PLA2G4C: variants seen among roughly 807,000 people sequenced by gnomAD.
The protein encoded by PLA2G4C is cytosolic phospholipase A2 gamma.
Under a neutral mutation model 73.8 loss-of-function variants are expected in PLA2G4C, and 64 were observed. The ratio of observed to expected loss-of-function variants is 0.87; its 90% confidence interval spans 0.71 to 1.07. PLA2G4C has a LOEUF of 1.07. Ranked by LOEUF, PLA2G4C falls within the 50% of genes least tolerant of loss-of-function variation. The probability of loss-of-function intolerance (pLI) is 0.00; values close to 1 mark genes in which losing one functional copy is unlikely to be tolerated. For synonymous variants in PLA2G4C, 254 were observed against 252.1 expected (o/e 1.01, Z -0.07); for missense variants, 622 against 665.4 (o/e 0.93, Z 0.72).
At chr19:48,084,004 A>G (rs2030815026) in intron 10 of PLA2G4C, among the ~76,000 whole-genome samples, 1 of 150,752 alleles carries the variant, frequency 6.6e-6, no homozygotes, top group African/African-American at 2.4e-5. Context: ...AGGTCATTCA[A>G]AGGGTTAAAT....
intron 13 of PLA2G4C, among the ~76,000 whole-genome samples, chr19:48,064,247 G>A (rs534456893): frequency 1.1e-4 from 16 of 152,168 alleles, no homozygotes; most frequent in Middle Eastern, 3.4e-3. Flanking sequence ...TGACCAACAT[G>A]GTGAAATCCT....
chr19:48,077,475 C>G (rs1380964040), intron 11 of PLA2G4C, among the ~76,000 whole-genome samples: 1 of 152,140 alleles, frequency 6.6e-6, no homozygotes, highest in African/African-American at 2.4e-5. Flanking sequence ...ACATCCCATG[C>G]TCATGGATGG....
At chr19:48,086,906 G>A (rs1340859127) in intron 9 of PLA2G4C, among the ~76,000 whole-genome samples, 1 of 152,202 alleles carries the variant, frequency 6.6e-6, no homozygotes, top group Non-Finnish European at 1.5e-5. Flanking sequence ...ATCTCACAGA[G>A]CCTGTGTCTC....
chr19:48,102,566 C>T (rs16981262), intron 4 of PLA2G4C, among the ~76,000 whole-genome samples: 21,040 of 152,104 alleles, frequency 0.14, 1,542 homozygotes, highest in African/African-American at 0.19. Context: ...TGTTACATAG[C>T]TCTACTTGAT....
At chr19:48,097,992 G>A (rs918185841) in intron 6 of PLA2G4C, 147 bp downstream of exon 6, 14 of 824,314 alleles carry the variant, frequency 1.7e-5, no homozygotes, top group Admixed American at 5.0e-5. Context: ...CTCTTCTCTC[G>A]TCTAAGCTGA....
At position 48,069,063 on chromosome 19, in the gene PLA2G4C, G is replaced by A. The variant is rs536408521; in HGVS notation, c.1007-1177C>T. 8.0e-5 allele frequency among the ~76,000 whole-genome samples: 12 copies of A among 149,596 alleles called. No individual in the cohort carries two copies. The East Asian group carries it at 1.8e-3, about 22-fold the overall frequency. On this transcript the variant is annotated intron_variant, in intron 12 of 16. Transcript: ENST00000599921. ...CCATCTCAAAAAAAAAAAAAAAAACGGTGAGGAAATAAAAGCCTATAGTTG... is the reference window on the plus strand; with the variant it reads ...CCATCTCAAAAAAAAAAAAAAAAACAGTGAGGAAATAAAAGCCTATAGTTG...
At position 48,110,502 on chromosome 19, in the gene PLA2G4C, G is replaced by T. The variant is rs2032442890; in HGVS notation, c.-48C>A. 8.7e-7 allele frequency: 1 copy of T among 1,152,686 alleles called. No individual in the cohort carries two copies. Among genetic ancestry groups the T allele is most frequent in the Admixed American group, 3.1e-5 (1 of 31,944 alleles). 71.4% of individuals were successfully genotyped at this position (1,152,686 alleles called of 1,614,324 possible). ...CACGGCTTGCCTGAGCCTGGGTCTGGGGCGTGTGCGCATGCGCGGTGGAGC... is the reference window on the plus strand; with the variant it reads ...CACGGCTTGCCTGAGCCTGGGTCTGTGGCGTGTGCGCATGCGCGGTGGAGC... On this transcript the variant is annotated 5_prime_UTR_variant, in exon 1 of 17. Coordinates refer to ENST00000599921, the MANE Select transcript of PLA2G4C (RefSeq NM_003706.3).
intron 14 of PLA2G4C, among the ~76,000 whole-genome samples, 183 bp from the exon 15 acceptor site, chr19:48,055,232 G>A (rs1319647041): frequency 6.6e-6 from 1 of 151,044 alleles, no homozygotes; most frequent in Non-Finnish European, 1.5e-5. Flanking sequence ...GCCATCACCC[G>A]CACTCCCCAG....
At chr19:48,089,169 T>A (rs1476075246) in intron 8 of PLA2G4C, among the ~76,000 whole-genome samples, 2 of 152,164 alleles carry the variant, frequency 1.3e-5, no homozygotes, top group Admixed American at 1.3e-4. Context: ...GGTTTATGCC[T>A]GTAATCCTAG....
intron 6 of PLA2G4C, 39 bp downstream of exon 6, chr19:48,098,100 T>C: frequency 6.2e-7 from 1 of 1,607,160 alleles, no homozygotes. Flanking sequence ...TGCTGTTCCA[T>C]CCCTTACTAC....
At chr19:48,093,895 C>G (rs2031439365) in intron 7 of PLA2G4C, among the ~76,000 whole-genome samples, 1 of 152,154 alleles carries the variant, frequency 6.6e-6, no homozygotes, top group African/African-American at 2.4e-5. Context: ...GGCAGCTCTT[C>G]TTTGGCTTGC....
At chr19:48,102,115 A>T (rs2122691267) in intron 4 of PLA2G4C, among the ~76,000 whole-genome samples, 1 of 152,226 alleles carries the variant, frequency 6.6e-6, no homozygotes, top group African/African-American at 2.4e-5. Context: ...ATGTGTCAAA[A>T]TGCTAATGTT....
intron 10 of PLA2G4C, among the ~76,000 whole-genome samples, chr19:48,080,456 C>A (rs940724347): frequency 5.3e-5 from 8 of 152,118 alleles, no homozygotes; most frequent in Non-Finnish European, 1.5e-5. Flanking sequence ...ATCTACCGTT[C>A]GATCCAGCAA....
chr19:48,065,231 A>G (rs1968363187), intron 13 of PLA2G4C, among the ~76,000 whole-genome samples: 1 of 129,524 alleles, frequency 7.7e-6, no homozygotes, highest in Admixed American at 8.8e-5. Context: ...GAAAGGTGAG[A>G]CGACTTGAAG....
intron 4 of PLA2G4C, among the ~76,000 whole-genome samples, chr19:48,103,220 A>G (rs1363293589): frequency 6.6e-6 from 1 of 152,058 alleles, no homozygotes; most frequent in Non-Finnish European, 1.5e-5. Flanking sequence ...TCCAGAAGAA[A>G]TCATGGGGTT....
intron 5 of PLA2G4C, among the ~76,000 whole-genome samples, chr19:48,098,747 A>T (rs1158617163): frequency 7.3e-6 from 1 of 137,204 alleles, no homozygotes; most frequent in East Asian, 2.0e-4. Context: ...AAAAAAAAAA[A>T]AAAAATTTGT....
At chr19:48,058,062 G>A (rs1427885419) in intron 14 of PLA2G4C, among the ~76,000 whole-genome samples, 1 of 151,816 alleles carries the variant, frequency 6.6e-6, no homozygotes, top group East Asian at 2.0e-4. Flanking sequence ...ACTTTGGGAG[G>A]CTGAGGTGGG....
intron 14 of PLA2G4C, among the ~76,000 whole-genome samples, chr19:48,058,570 C>A (rs925478212): frequency 4.6e-5 from 7 of 152,132 alleles, no homozygotes; most frequent in African/African-American, 1.7e-4. Context: ...ATAATCCCAG[C>A]ACTTTGGAAG....
intron 10 of PLA2G4C, among the ~76,000 whole-genome samples, chr19:48,081,879 G>A (rs373553404): frequency 6.6e-6 from 1 of 150,740 alleles, no homozygotes; most frequent in African/African-American, 2.4e-5. Context: ...TCAGAAGTTC[G>A]AGACCAGCCT....
Sources: allele counts gnomAD v4.1 joint callset (sites outside exome capture counted in the v4.1 genomes callset), GRCh38; gene constraint gnomAD v4.1.1; transcripts MANE v1.5; gene names NCBI Gene and HGNC (gene_info 2026-07-23, HGNC 2026-07-21).